MICALL1: variants seen among roughly 807,000 people sequenced by gnomAD.
The protein encoded by MICALL1 is MICAL-like protein 1.
In MICALL1, 61 loss-of-function variants were observed where a neutral mutation model predicts 83.7. The ratio of observed to expected loss-of-function variants is 0.73; its 90% confidence interval spans 0.59 to 0.90. MICALL1 has a LOEUF of 0.90. Among genes scored for constraint, MICALL1 ranks in the 40% least tolerant of loss-of-function variants. The pLI is 0.00. For synonymous variants in MICALL1, 481 were observed against 473.6 expected (o/e 1.02, Z -0.20); for missense variants, 1,066 against 1,152.0 (o/e 0.93, Z 1.08).
Position 37,932,592 on chromosome 22 carries a change from G to T in MICALL1, c.2056G>T (p.Gly686Ter). The T allele has an allele frequency of 6.2e-7, 1 of 1,614,174 alleles. No homozygotes were observed. Among genetic ancestry groups the T allele is most frequent in the South Asian group, 1.1e-5 (1 of 91,088 alleles). ...DQYIPEEDIH[G>*]EMDTIERRLD... Reference sequence around the variant, plus strand: ...GTACATCCCTGAGGAGGACATCCATGGAGAGATGGATACCATTGAGCGCCG... The same window carrying T: ...GTACATCCCTGAGGAGGACATCCATTGAGAGATGGATACCATTGAGCGCCG... Residue 686 changes from glycine (G) to a stop codon, truncating the protein, a stop_gained, in exon 11 of 16, where the codon GGA becomes TGA. Transcript: ENST00000215957. LOFTEE classifies it high-confidence loss of function. The surrounding 1 kb of genome is among the most constrained non-coding windows in gnomAD (Gnocchi z 4.4).
At chr22:37,940,584 A>G (rs1930382467) in intron 15 of MICALL1, 125 bp from the exon 16 acceptor site, 3 of 1,186,372 alleles carry the variant, frequency 2.5e-6, no homozygotes, top group Admixed American at 2.3e-5. Flanking sequence ...CAGGCTCCAC[A>G]CAGGAAGTGG....
chr22:37,925,529 GA>G, intron 7 of MICALL1, 131 bp from the exon 8 acceptor site: 1 of 635,976 alleles, frequency 1.6e-6, no homozygotes, highest in Non-Finnish European at 2.8e-6. Context: ...TCCCCATGGG[GA>G]TGGGGGTGGG....
chr22:37,929,358 C>T (rs1009640256), intron 9 of MICALL1, among the ~76,000 whole-genome samples: 1 of 152,120 alleles, frequency 6.6e-6, no homozygotes, highest in Admixed American at 6.5e-5. Flanking sequence ...GTCCCCAAGG[C>T]GCTCCCAGCC....
chr22:37,917,175 G>C (rs1818741576), intron 3 of MICALL1, among the ~76,000 whole-genome samples: 1 of 152,106 alleles, frequency 6.6e-6, no homozygotes, highest in Admixed American at 6.6e-5. Flanking sequence ...CCCGGCCTGA[G>C]GAGCTGAGTC....
chr22:37,923,307 A>G (rs1038003720), intron 6 of MICALL1, among the ~76,000 whole-genome samples: 5 of 151,898 alleles, frequency 3.3e-5, no homozygotes, highest in African/African-American at 9.7e-5. Context: ...GCTCACTGCA[A>G]TCTCTGCCTT....
intron 15 of MICALL1, among the ~76,000 whole-genome samples, chr22:37,938,688 T>C (rs879651885): frequency 1.4e-4 from 21 of 150,560 alleles, no homozygotes; most frequent in Non-Finnish European, 3.0e-4. Flanking sequence ...AGTGGTACGA[T>C]CTCAGCTCAC....
rs774931291 is a variant in MICALL1 at position 37,912,386 on chromosome 22, C to T, written c.231C>T (p.Pro77=). ...TGGCTGAGAAGGAGCTGGGGATCCC[C>T]GCTCTCCTGGACCCCAATGACATGG... ...FEVAEKELGI[P]ALLDPNDMVS... Residue 77 remains proline (P), a synonymous_variant, in exon 3 of 16, where the codon CCC becomes CCT. Transcript: ENST00000215957. 2.6e-5 allele frequency: 42 copies of T among 1,613,640 alleles called. 1 individual carries two copies. In the Admixed American group the frequency reaches 5.0e-4, roughly 19 times the overall value.
At position 37,937,051 on chromosome 22, in the gene MICALL1, C is replaced by A. The variant is rs769688581; in HGVS notation, c.2309-29C>A. The A allele has an allele frequency of 5.2e-6, 8 of 1,536,760 alleles. No individual in the cohort carries two copies. The South Asian group carries it at 9.6e-5, about 18-fold the overall frequency. On this transcript the variant is annotated intron_variant, in intron 13 of 15. Transcript: ENST00000215957. ...GGAGGAAGAGGGCTTTCCTACCACT[C>A]ATGCCCCCTAACTTTTCTCCCTGGG...
chr22:37,940,295 T>C (rs59096307), intron 15 of MICALL1, among the ~76,000 whole-genome samples: 5,307 of 151,288 alleles, frequency 0.035, 298 homozygotes, highest in African/African-American at 0.12. Flanking sequence ...TGGTGGCACC[T>C]GCCTGTAGTC....
intron 3 of MICALL1, among the ~76,000 whole-genome samples, chr22:37,914,043 T>C (rs1213164527): frequency 6.6e-6 from 1 of 151,590 alleles, no homozygotes; most frequent in African/African-American, 2.4e-5. Context: ...GTCCGGCTAA[T>C]TTTTGTATTT....
rs1226456798 is a variant in MICALL1, at chr22:37,932,771, T to C, written c.2144-27T>C. The C allele has an allele frequency of 8.1e-6, 13 of 1,613,780 alleles. No homozygotes were observed. The highest frequency in any genetic ancestry group is 1.3e-5 in the African/African-American group (1 of 74,914). On this transcript the variant is annotated intron_variant, in intron 11 of 15. Transcript: ENST00000215957. This position sits in a 1 kb window ranked among gnomAD's most constrained non-coding sequence, Gnocchi z 4.4. ...CTGAGCCAGGCATGGCAGCCAGCCC[T>C]GGCCTCAGTGGGTATCTGGCTTCCA...
intron 3 of MICALL1, among the ~76,000 whole-genome samples, chr22:37,912,877 G>A (rs1304215460): frequency 6.6e-6 from 1 of 151,874 alleles, no homozygotes; most frequent in Admixed American, 6.6e-5. Flanking sequence ...TGGCCAGGCT[G>A]GTCTCAAACT....
Position 37,926,080 on chromosome 22 carries a change from A to C in MICALL1, c.1465+37A>C, listed in dbSNP as rs1311277717. 4 of 1,537,542 alleles carry C rather than the reference A, an allele frequency of 2.6e-6. No homozygotes were observed. The African/African-American group carries it at 4.1e-5, about 16-fold the overall frequency. On this transcript the variant is annotated intron_variant, in intron 8 of 15. Coordinates refer to ENST00000215957, the MANE Select transcript of MICALL1 (RefSeq NM_033386.4). ...TCCTGGAGCTCTCCTGACAGTCGGA[A>C]CTCGGGGGTGGGGCCCGGGCCTGGG...
chr22:37,934,486 C>T (rs1435937154), intron 13 of MICALL1, among the ~76,000 whole-genome samples: 2 of 151,784 alleles, frequency 1.3e-5, no homozygotes, highest in Non-Finnish European at 2.9e-5. Context: ...CAGGTTGGGC[C>T]ACCTGCTCCT....
At chr22:37,909,381 C>A (rs1474011499) in intron 1 of MICALL1, among the ~76,000 whole-genome samples, 11 of 132,832 alleles carry the variant, frequency 8.3e-5, no homozygotes, top group Admixed American at 1.6e-4. Context: ...TTTTTTGAGA[C>A]GGAGTCTCGC....
Position 37,932,729 on chromosome 22 carries a change from C to T in MICALL1, c.2143+50C>T, listed in dbSNP as rs763130967. 4 of 1,612,414 alleles carry T rather than the reference C, an allele frequency of 2.5e-6. No individual in the cohort carries two copies. In the South Asian group the frequency reaches 3.3e-5, roughly 13 times the overall value. On this transcript the variant is annotated intron_variant, in intron 11 of 15. Transcript: ENST00000215957. The surrounding 1 kb of genome is among the most constrained non-coding windows in gnomAD (Gnocchi z 4.4). ...GCTGGGTGGGGCTGGGGGCAGGAGC[C>T]TCTATTCCCCGGGGAACTGAGCCAG...
intron 15 of MICALL1, 62 bp downstream of exon 15, chr22:37,937,854 G>A (rs1371623468): frequency 5.0e-6 from 8 of 1,605,450 alleles, no homozygotes; most frequent in East Asian, 4.5e-5. Context: ...GGGTTGGAAG[G>A]GAGGGACTGG....
Position 37,927,807 on chromosome 22 carries a change from C to T in MICALL1, c.1862C>T (p.Ser621Phe). The T allele has an allele frequency of 1.2e-6, 2 of 1,609,034 alleles. No homozygotes were observed. The highest frequency in any genetic ancestry group is 2.2e-5 in the South Asian group (2 of 90,820). Residue 621 changes from serine to phenylalanine, a missense_variant, in exon 9 of 16, where the codon TCC becomes TTC. Ser to Phe is a radical substitution (Grantham distance 155). Coordinates refer to ENST00000215957, the MANE Select transcript of MICALL1 (RefSeq NM_033386.4). ...CCGGTGCCTTCCCCTGGAAGCTCGT[C>T]CCCACAGCTGCAGGTAAAGGTGAGT... ...RSPVPSPGSSSPQLQVKSSCK... is the reference protein window; with the variant it reads ...RSPVPSPGSSFPQLQVKSSCK...
intron 15 of MICALL1, among the ~76,000 whole-genome samples, chr22:37,939,634 C>T (rs1930321691): frequency 6.6e-6 from 1 of 151,934 alleles, no homozygotes. Flanking sequence ...ATTAGCCGCG[C>T]ATGGCAGCGC....
Sources: gnomAD v4.1 joint callset for allele counts (sites outside exome capture counted in the v4.1 genomes callset) on GRCh38, gnomAD v4.1.1 for gene constraint, Gnocchi (gnomAD v3.1) non-coding constraint, MANE v1.5 for transcripts, NCBI Gene and HGNC (gene_info 2026-07-23, HGNC 2026-07-21) for gene names.